GRM8: variants seen among roughly 807,000 people sequenced by gnomAD.
The protein encoded by GRM8 is metabotropic glutamate receptor 8.
A neutral mutation model predicts 87.2 loss-of-function variants in GRM8; 47 were observed. The ratio of observed to expected loss-of-function variants is 0.54; its 90% CI spans 0.43 to 0.69. GRM8 has a LOEUF of 0.69. Among genes scored for constraint, GRM8 ranks in the 30% least tolerant of loss-of-function variants. GRM8 has a pLI of 0.00. For synonymous variants in GRM8, 396 were observed against 404.5 expected, an observed-to-expected ratio of 0.98 and a Z score of 0.25; for missense variants, 1,019 against 1,139.2, an observed-to-expected ratio of 0.89 and a Z score of 1.52.
intron 7 of GRM8, among the ~76,000 whole-genome samples, chr7:126,645,925 G>A (rs988626549): frequency 1.6e-4 from 24 of 152,104 alleles, no homozygotes; most frequent in Admixed American, 5.9e-4. Context: ...TTTTACCAGG[G>A]AAAATAGAAG....
chr7:127,241,535 G>C (rs991043962), intron 2 of GRM8, among the ~76,000 whole-genome samples: 1 of 150,996 alleles, frequency 6.6e-6, no homozygotes, highest in African/African-American at 2.4e-5. Context: ...CCAGGTTCAA[G>C]CGATTCTCCT....
chr7:126,898,749 C>T (rs7802835), intron 6 of GRM8, among the ~76,000 whole-genome samples: 55 of 152,308 alleles, frequency 3.6e-4, no homozygotes, highest in African/African-American at 1.3e-3. Flanking sequence ...CATACCTCAA[C>T]TGAACTTAGA....
At chr7:126,613,132 T>C (rs181035108) in intron 7 of GRM8, among the ~76,000 whole-genome samples, 7 of 152,318 alleles carry the variant, frequency 4.6e-5, no homozygotes, top group Non-Finnish European at 1.0e-4. Flanking sequence ...ATGACTGCCA[T>C]GGAACTCTGG....
intron 8 of GRM8, among the ~76,000 whole-genome samples, chr7:126,580,036 A>T (rs919988012): frequency 1.3e-5 from 2 of 152,092 alleles, no homozygotes; most frequent in African/African-American, 4.8e-5. Context: ...GTATTTTTAA[A>T]TTTTTTTCAG....
intron 6 of GRM8, among the ~76,000 whole-genome samples, chr7:126,792,741 A>G (rs1410655647): frequency 6.6e-6 from 1 of 152,192 alleles, no homozygotes; most frequent in African/African-American, 2.4e-5. Context: ...AGGCATGAAT[A>G]GTGTATTCAC....
chr7:127,041,103 A>G (rs753882697), intron 3 of GRM8, among the ~76,000 whole-genome samples: 5 of 152,244 alleles, frequency 3.3e-5, no homozygotes, highest in Admixed American at 6.5e-5. Context: ...AGTAATTAGC[A>G]TGTCTGTGGT....
intron 3 of GRM8, among the ~76,000 whole-genome samples, chr7:127,075,655 G>C (rs1005863895): frequency 7.2e-5 from 11 of 152,138 alleles, no homozygotes; most frequent in African/African-American, 2.4e-4. Flanking sequence ...TACGAAGCCA[G>C]CCAAGAAGCT....
At chr7:126,808,061 A>G (rs1792948686) in intron 6 of GRM8, among the ~76,000 whole-genome samples, 1 of 152,252 alleles carries the variant, frequency 6.6e-6, no homozygotes, top group Non-Finnish European at 1.5e-5. Context: ...AGATTGGGCT[A>G]TAATTCAATC....
At chr7:126,817,291 T>C (rs1287018788) in intron 6 of GRM8, among the ~76,000 whole-genome samples, 1 of 152,186 alleles carries the variant, frequency 6.6e-6, no homozygotes, top group African/African-American at 2.4e-5. Context: ...ATATTCCTTA[T>C]ATCTTATAAT....
At chr7:127,035,494 C>T (rs1817765837) in intron 3 of GRM8, among the ~76,000 whole-genome samples, 1 of 152,142 alleles carries the variant, frequency 6.6e-6, no homozygotes, top group Non-Finnish European at 1.5e-5. Flanking sequence ...ACTTGGAGCG[C>T]CCAGCCACAG....
chr7:126,463,040 G>T (rs994393573), intron 9 of GRM8, among the ~76,000 whole-genome samples: 3 of 145,826 alleles, frequency 2.1e-5, no homozygotes, highest in Non-Finnish European at 3.0e-5. Flanking sequence ...TTATTTGACT[G>T]GTTTTCAACC....
At chr7:126,854,362 G>T (rs908426810) in intron 6 of GRM8, among the ~76,000 whole-genome samples, 2 of 152,112 alleles carry the variant, frequency 1.3e-5, no homozygotes, top group Admixed American at 6.5e-5. Flanking sequence ...CTCCTGAAAT[G>T]GCTTTATCTT....
At chr7:126,705,867 G>GT (rs1041872150) in intron 7 of GRM8, among the ~76,000 whole-genome samples, 38 of 152,012 alleles carry the variant, frequency 2.5e-4, no homozygotes, top group South Asian at 2.3e-3. Context: ...GAAACCAAGA[G>GT]TTTTTTTAAT....
chr7:126,786,603 A>G (rs1023651436), intron 6 of GRM8, among the ~76,000 whole-genome samples: 32 of 152,276 alleles, frequency 2.1e-4, no homozygotes, highest in African/African-American at 7.2e-4. Flanking sequence ...CATGTTACAA[A>G]AAGTTATAAG....
chr7:127,047,552 A>G, intron 3 of GRM8, among the ~76,000 whole-genome samples: 1 of 151,934 alleles, frequency 6.6e-6, no homozygotes, highest in African/African-American at 2.4e-5. Flanking sequence ...AATGCAGTCC[A>G]GATGCAGTGG....
At chr7:126,876,582 G>A (rs1799540856) in intron 6 of GRM8, among the ~76,000 whole-genome samples, 1 of 152,092 alleles carries the variant, frequency 6.6e-6, no homozygotes, top group Admixed American at 6.6e-5. Flanking sequence ...CCCTTTATCT[G>A]ATACCTAACT....
intron 2 of GRM8, among the ~76,000 whole-genome samples, chr7:127,217,775 CT>C (rs1427110552): frequency 6.6e-6 from 1 of 152,166 alleles, no homozygotes; most frequent in Non-Finnish European, 1.5e-5. Context: ...TTGGTGATTT[CT>C]TTTGTGCTGG....
Position 126,788,420 on chromosome 7 carries a change from A to AAAACAAAAAAAACAAAAAACAAAAAAC in GRM8, c.1157-18356_1157-18355insGTTTTTTGTTTTTTGTTTTTTTTGTTT, listed in dbSNP as rs1554492197. On this transcript the variant is annotated intron_variant, in intron 6 of 10. Coordinates refer to ENST00000339582, the MANE Select transcript of GRM8 (RefSeq NM_000845.3). ...GCAAGACTCCATCTCAAAAAAAAAAAAAACCCTTTCAGATATCTTTAACAT... is the reference window on the plus strand; with the variant it reads ...GCAAGACTCCATCTCAAAAAAAAAAAAAACAAAAAAAACAAAAAACAAAAAACAAACCCTTTCAGATATCTTTAACAT... 6.2e-5 allele frequency among the ~76,000 whole-genome samples: 5 copies of AAAACAAAAAAAACAAAAAACAAAAAAC among 81,138 alleles called. 1 individual carries two copies. Among genetic ancestry groups the AAAACAAAAAAAACAAAAAACAAAAAAC allele is most frequent in the Admixed American group, 3.3e-4 (2 of 5,974 alleles). 53.2% of individuals were successfully genotyped at this position (81,138 alleles called of 152,430 possible). A position where few individuals can be genotyped will look rare whatever the true frequency, so the allele number is the denominator to read the frequency against.
chr7:127,168,010 G>A (rs1793559915), intron 2 of GRM8, among the ~76,000 whole-genome samples: 1 of 152,112 alleles, frequency 6.6e-6, no homozygotes, highest in African/African-American at 2.4e-5. Flanking sequence ...TTGACAAATG[G>A]GATCTAATGA....
Sources: allele counts gnomAD v4.1 joint callset (sites outside exome capture counted in the v4.1 genomes callset), GRCh38; gene constraint gnomAD v4.1.1; transcripts MANE v1.5; gene names NCBI Gene and HGNC (gene_info 2026-07-23, HGNC 2026-07-21).